FANCC: variants seen among roughly 807,000 people sequenced by gnomAD.
FANCC encodes Fanconi anemia group C protein.
FANCC carries 55 observed loss-of-function variants against 71.3 expected under a neutral mutation model. The ratio of observed to expected loss-of-function variants is 0.77; its 90% CI spans 0.62 to 0.97. The LOEUF (loss-of-function observed/expected upper bound fraction) is 0.97. Among genes scored for constraint, FANCC ranks in the 50% least tolerant of loss-of-function variants. FANCC has a pLI of 0.00. For synonymous variants in FANCC, 275 were observed against 244.9 expected, an observed-to-expected ratio of 1.12 and a Z score of -1.15; for missense variants, 678 against 670.9, an observed-to-expected ratio of 1.01 and a Z score of -0.12.
chr9:95,212,493 T>C (rs1828566525), intron 4 of FANCC, among the ~76,000 whole-genome samples: 1 of 152,018 alleles, frequency 6.6e-6, no homozygotes, highest in Admixed American at 6.6e-5. Flanking sequence ...ACCTGTCGAA[T>C]TAGAAATCTA....
intron 1 of FANCC, among the ~76,000 whole-genome samples, chr9:95,302,730 G>A (rs191736198): frequency 1.8e-3 from 270 of 152,274 alleles, no homozygotes; most frequent in Non-Finnish European, 2.7e-3. Context: ...AGAGCAGCAC[G>A]GCTCAGATAT....
chr9:95,294,325 C>T lies in FANCC; in HGVS notation c.-79+23201G>A. The T allele has an allele frequency of 2.5e-6, 4 of 1,588,040 alleles. No individual in the cohort carries two copies. In the East Asian group the frequency reaches 8.9e-5, roughly 35 times the overall value. On this transcript the variant is annotated intron_variant, in intron 1 of 14. Transcript: ENST00000289081. ...TGAACTTAGCACCATGAACACTGAG[C>T]CAGTCTTGGAGTCACTGGACACAGA...
At chr9:95,314,808 T>C (rs1045269167) in intron 1 of FANCC, among the ~76,000 whole-genome samples, 1 of 152,106 alleles carries the variant, frequency 6.6e-6, no homozygotes, top group Non-Finnish European at 1.5e-5. Flanking sequence ...TAAATACTGC[T>C]AAGAGAAATT....
intron 4 of FANCC, among the ~76,000 whole-genome samples, chr9:95,232,214 G>C (rs972334086): frequency 2.6e-5 from 4 of 152,162 alleles, no homozygotes; most frequent in African/African-American, 9.7e-5. Context: ...AGTAGTACCA[G>C]GGGGATGGTG....
chr9:95,158,869 G>A (rs1830588005), intron 6 of FANCC, among the ~76,000 whole-genome samples: 1 of 151,990 alleles, frequency 6.6e-6, no homozygotes, highest in Non-Finnish European at 1.5e-5. Context: ...AGGACTCAAA[G>A]GCAAGACCTA....
intron 4 of FANCC, among the ~76,000 whole-genome samples, chr9:95,204,430 C>T (rs1333835895): frequency 2.0e-5 from 3 of 152,192 alleles, no homozygotes; most frequent in Non-Finnish European, 4.4e-5. Context: ...TCCACTGGGT[C>T]TCAGGCAGCC....
At chr9:95,273,139 T>C (rs1413291924) in intron 1 of FANCC, among the ~76,000 whole-genome samples, 1 of 152,200 alleles carries the variant, frequency 6.6e-6, no homozygotes. Flanking sequence ...TGAGAAAAGA[T>C]GAAATGACGT....
Position 95,184,956 on chromosome 9 carries a change from C to T in FANCC, c.346-12809G>A, listed in dbSNP as rs573001871. On this transcript the variant is annotated intron_variant, in intron 4 of 14. Coordinates refer to ENST00000289081, the MANE Select transcript of FANCC (RefSeq NM_000136.3). ...TTCTGTGCCTGTTAGTCTGAAGCCA[C>T]CTATAATACTGAGATGTCTCAGGAA... 1.2e-4 allele frequency among the ~76,000 whole-genome samples: 19 copies of T among 152,280 alleles called. No individual in the cohort carries two copies. The South Asian group carries it at 3.7e-3, about 30-fold the overall frequency.
chr9:95,145,968 A>T (rs79124754), intron 7 of FANCC, among the ~76,000 whole-genome samples: 3,901 of 95,446 alleles, frequency 0.041, 144 homozygotes, highest in African/African-American at 0.12. Context: ...CTGATTCTTT[A>T]TTTTTTTTTA....
chr9:95,170,740 G>C (rs1240083313), intron 6 of FANCC, among the ~76,000 whole-genome samples: 1 of 149,942 alleles, frequency 6.7e-6, no homozygotes, highest in Non-Finnish European at 1.5e-5. Context: ...TTGCATCTGT[G>C]CACATTCTCC....
intron 4 of FANCC, among the ~76,000 whole-genome samples, chr9:95,200,684 T>C (rs889877409): frequency 6.6e-6 from 1 of 152,208 alleles, no homozygotes; most frequent in South Asian, 2.1e-4. Flanking sequence ...AAATGAGATA[T>C]ATGAATTTGC....
At chr9:95,152,850 A>G (rs1376184614) in intron 6 of FANCC, among the ~76,000 whole-genome samples, 2 of 150,898 alleles carry the variant, frequency 1.3e-5, no homozygotes, top group African/African-American at 4.9e-5. Context: ...GCGATGTCCA[A>G]TCTTTTTGGC....
chr9:95,149,623 C>A (rs1830007382), intron 7 of FANCC, among the ~76,000 whole-genome samples: 2 of 151,966 alleles, frequency 1.3e-5, no homozygotes, highest in Admixed American at 1.3e-4. Context: ...GGATTAGAGG[C>A]ACACACCACC....
chr9:95,111,151 G>C (rs2071883473), intron 13 of FANCC: 1 of 1,534,918 alleles, frequency 6.5e-7, no homozygotes, highest in African/African-American at 1.4e-5. Flanking sequence ...GCACGCCTTG[G>C]AGGACGCGAC....
At chr9:95,158,835 G>GGT (rs1196072461) in intron 6 of FANCC, among the ~76,000 whole-genome samples, 2 of 152,262 alleles carry the variant, frequency 1.3e-5, no homozygotes, top group East Asian at 3.9e-4. Context: ...GAGTAGCTCT[G>GGT]GTGTAGAACT....
chr9:95,124,134 A>T (rs1351813212), intron 10 of FANCC, among the ~76,000 whole-genome samples: 1 of 150,654 alleles, frequency 6.6e-6, no homozygotes, highest in Non-Finnish European at 1.5e-5. Context: ...AAAAAAGTAG[A>T]AATATCGGCT....
At chr9:95,146,282 T>C (rs1282988157) in intron 7 of FANCC, among the ~76,000 whole-genome samples, 4 of 149,934 alleles carry the variant, frequency 2.7e-5, no homozygotes, top group Non-Finnish European at 5.9e-5. Context: ...AGCCCAGGAG[T>C]TCAAGACCAG....
chr9:95,223,602 A>C (rs1327537647), intron 4 of FANCC, among the ~76,000 whole-genome samples: 2 of 152,220 alleles, frequency 1.3e-5, no homozygotes, highest in Admixed American at 6.5e-5. Flanking sequence ...AATACAAGCT[A>C]ATTATTACAA....
At chr9:95,175,910 T>C (rs536298485) in intron 4 of FANCC, among the ~76,000 whole-genome samples, 13 of 152,268 alleles carry the variant, frequency 8.5e-5, no homozygotes, top group Admixed American at 6.5e-5. Context: ...GTTTGGAAAG[T>C]AGGTGGGCTC....
Sources: gnomAD v4.1 joint callset for allele counts (sites outside exome capture counted in the v4.1 genomes callset) on GRCh38, gnomAD v4.1.1 for gene constraint, MANE v1.5 for transcripts, NCBI Gene and HGNC (gene_info 2026-07-23, HGNC 2026-07-21) for gene names.